The following CDC73 variants were observed in gnomAD, a reference collection of about 807,000 sequenced individuals.
CDC73 encodes parafibromin.
Under a neutral mutation model 83.7 loss-of-function variants are expected in CDC73, and 21 were observed. That is an observed-to-expected ratio of 0.25 (90% CI 0.18 to 0.36). The LOEUF (loss-of-function observed/expected upper bound fraction) is 0.36. Among genes scored for constraint, CDC73 ranks in the 10% least tolerant of loss-of-function variants. The pLI is 1.00. For synonymous variants in CDC73, 224 were observed against 212.9 expected (o/e 1.05, Z -0.45); for missense variants, 342 against 653.3 (o/e 0.52, Z 5.19).
At chr1:193,192,583 G>A (rs1334294896) in intron 10 of CDC73, among the ~76,000 whole-genome samples, 6 of 152,298 alleles carry the variant, frequency 3.9e-5, no homozygotes, top group South Asian at 4.1e-4. Flanking sequence ...GTTATGGCCC[G>A]ATTAGAAATA....
chr1:193,143,870 G>T (rs1367580462), intron 7 of CDC73, among the ~76,000 whole-genome samples: 2 of 152,168 alleles, frequency 1.3e-5, no homozygotes, highest in African/African-American at 4.8e-5. Flanking sequence ...AGCACTTTGG[G>T]AAGTCGAGGT....
At chr1:193,213,277 T>C (rs1322732891) in intron 13 of CDC73, among the ~76,000 whole-genome samples, 2 of 152,136 alleles carry the variant, frequency 1.3e-5, no homozygotes, top group Admixed American at 6.6e-5. Flanking sequence ...ATATAGACAT[T>C]AACAAGGTTT....
At chr1:193,236,479 T>C in intron 15 of CDC73, 123 bp downstream of exon 15, 1 of 713,412 alleles carries the variant, frequency 1.4e-6, no homozygotes, top group South Asian at 1.5e-5. Context: ...AAGTAACATA[T>C]GTTAATGTTT....
At chr1:193,212,188 C>T in intron 12 of CDC73, 88 bp downstream of exon 12, 1 of 1,111,096 alleles carries the variant, frequency 9.0e-7, no homozygotes, top group East Asian at 2.6e-5. Flanking sequence ...GCAGCTGTAT[C>T]ACATGTTTGT....
intron 3 of CDC73, among the ~76,000 whole-genome samples, chr1:193,130,509 A>C (rs942133419): frequency 1.3e-5 from 2 of 152,174 alleles, no homozygotes; most frequent in Non-Finnish European, 2.9e-5. Context: ...CTCTGACATC[A>C]TCAGTTTTCT....
chr1:193,183,322 T>C (rs1025066812), intron 10 of CDC73, among the ~76,000 whole-genome samples: 2 of 141,154 alleles, frequency 1.4e-5, no homozygotes, highest in Non-Finnish European at 3.1e-5. Flanking sequence ...TACAGAGTAC[T>C]TTTAGAAGTT....
At chr1:193,235,273 A>G (rs146056923) in intron 14 of CDC73, among the ~76,000 whole-genome samples, 1 of 152,152 alleles carries the variant, frequency 6.6e-6, no homozygotes, top group African/African-American at 2.4e-5. Flanking sequence ...TTTTCTCTGT[A>G]CTTCTACCTT....
At chr1:193,212,610 A>T in intron 13 of CDC73, 133 bp downstream of exon 13, 1 of 506,332 alleles carries the variant, frequency 2.0e-6, no homozygotes, top group Non-Finnish European at 3.6e-6. Context: ...TACACATAGT[A>T]TGAAGCATAC....
intron 10 of CDC73, among the ~76,000 whole-genome samples, chr1:193,176,710 A>G (rs1676609422): frequency 6.6e-6 from 1 of 152,172 alleles, no homozygotes; most frequent in Admixed American, 6.5e-5. Flanking sequence ...GAAATTTCCT[A>G]GTTAAACAGT....
Position 193,141,913 on chromosome 1 carries a change from G to A in CDC73, c.576G>A (p.Lys192=), listed in dbSNP as rs1422814399. Reference sequence around the variant, plus strand: ...CAATCAAAGCCAAAATTATGGCTAAGAAAAGATCTACTATCAAGACTGATC... The same window carrying A: ...CAATCAAAGCCAAAATTATGGCTAAAAAAAGATCTACTATCAAGACTGATC... ...IAAIKAKIMA[K]KRSTIKTDLD... is the part of the protein sequence containing the mutation. Residue 192 remains lysine (K), a synonymous_variant, in exon 7 of 17, where the codon AAG becomes AAA. Transcript: ENST00000367435. 1 of 1,613,844 alleles carries A rather than the reference G, an allele frequency of 6.2e-7. No individual in the cohort carries two copies. Among genetic ancestry groups the A allele is most frequent in the South Asian group, 1.1e-5 (1 of 91,064 alleles).
At chr1:193,168,953 G>A (rs560956209) in intron 10 of CDC73, among the ~76,000 whole-genome samples, 76 of 152,240 alleles carry the variant, frequency 5.0e-4, no homozygotes, top group African/African-American at 1.7e-3. Flanking sequence ...TAATACTTTT[G>A]ATTATCTAGA....
chr1:193,208,920 T>G (rs548411526), intron 11 of CDC73, among the ~76,000 whole-genome samples: 8 of 152,374 alleles, frequency 5.3e-5, no homozygotes, highest in African/African-American at 1.9e-4. Flanking sequence ...AAATTTCAGC[T>G]TAAATGCCAC....
At position 193,125,307 on chromosome 1, in the gene CDC73, A is replaced by G. The variant is rs1675545936; in HGVS notation, c.237+90A>G. ...AGGGTCTGGCCTTGTTGCCCGGGCT[A>G]GGGTGCAGTGGTGTGATCATAGCTC... is the stretch of plus-strand genomic sequence containing the variant. On this transcript the variant is annotated intron_variant, in intron 2 of 16. Coordinates refer to ENST00000367435, the MANE Select transcript of CDC73 (RefSeq NM_024529.5). 9 of 799,394 alleles carry G rather than the reference A, an allele frequency of 1.1e-5. No individual in the cohort carries two copies. In the Admixed American group the frequency reaches 1.4e-4, roughly 12 times the overall value. 49.5% of individuals were successfully genotyped at this position (799,394 alleles called of 1,614,324 possible).
At chr1:193,221,498 AAAAT>A (rs879371638) in intron 13 of CDC73, among the ~76,000 whole-genome samples, 1 of 152,086 alleles carries the variant, frequency 6.6e-6, no homozygotes, top group Non-Finnish European at 1.5e-5. Flanking sequence ...AACTTTTAAA[AAAAT>A]AAATATATCT....
intron 10 of CDC73, chr1:193,185,891 A>G (rs1296222774): frequency 6.6e-6 from 1 of 152,190 alleles, no homozygotes; most frequent in Non-Finnish European, 1.5e-5. Flanking sequence ...AAAATCAGAT[A>G]TTAAGAAACC....
At chr1:193,194,493 A>G (rs1413588383) in intron 10 of CDC73, among the ~76,000 whole-genome samples, 1 of 152,192 alleles carries the variant, frequency 6.6e-6, no homozygotes, top group African/African-American at 2.4e-5. Context: ...TATGTGTACC[A>G]TCTACCTTAT....
intron 15 of CDC73, among the ~76,000 whole-genome samples, chr1:193,243,247 T>C (rs962198862): frequency 6.6e-6 from 1 of 151,118 alleles, no homozygotes; most frequent in South Asian, 2.1e-4. Context: ...GCTTACTTCT[T>C]GTTTTTAACT....
intron 13 of CDC73, among the ~76,000 whole-genome samples, chr1:193,212,733 A>G (rs1481034089): frequency 6.6e-6 from 1 of 152,136 alleles, no homozygotes; most frequent in East Asian, 1.9e-4. Flanking sequence ...TTTTAATATG[A>G]ATTGTTTTCT....
chr1:193,249,537 A>G (rs1678010280), intron 15 of CDC73, among the ~76,000 whole-genome samples, 193 bp from the exon 16 acceptor site: 1 of 152,010 alleles, frequency 6.6e-6, no homozygotes, highest in South Asian at 2.1e-4. Flanking sequence ...ACTAGACTAT[A>G]TGCATTTTAT....
Sources: gnomAD v4.1 joint callset for allele counts (sites outside exome capture counted in the v4.1 genomes callset) on GRCh38, gnomAD v4.1.1 for gene constraint, MANE v1.5 for transcripts, NCBI Gene and HGNC (gene_info 2026-07-23, HGNC 2026-07-21) for gene names.